Variants in AQP7 observed in about 807,000 individuals in gnomAD.
AQP7 encodes the protein aquaporin 7, also known as aquaporin-7.
A neutral mutation model predicts 26.1 loss-of-function variants in AQP7; 22 were observed. That is an observed-to-expected ratio of 0.84 (90% CI 0.60 to 1.20). The LOEUF (loss-of-function observed/expected upper bound fraction) is 1.20. Among genes scored for constraint, AQP7 ranks in the 50% most tolerant of loss-of-function variants. The pLI is 0.00. For synonymous variants in AQP7, 167 were observed against 181.7 expected (o/e 0.92, Z 0.65); for missense variants, 412 against 457.5 (o/e 0.90, Z 0.91).
intron 2 of AQP7, among the ~76,000 whole-genome samples, chr9:33,399,563 T>C (rs556628217): frequency 2.0e-5 from 3 of 151,916 alleles, no homozygotes; most frequent in South Asian, 4.2e-4. Context: ...ATCATGCCAC[T>C]GCACTCCAGC....
intron 2 of AQP7, 163 bp downstream of exon 2, chr9:33,401,074 C>G: frequency 1.3e-6 from 1 of 753,548 alleles, no homozygotes; most frequent in Non-Finnish European, 2.2e-6. Context: ...GTGGAAGATG[C>G]TCTTCTTCTG....
At chr9:33,394,206 T>A (rs1174581189) in intron 3 of AQP7, 1 of 152,458 alleles carries the variant, frequency 6.6e-6, no homozygotes, top group Non-Finnish European at 1.5e-5. Context: ...AGAGTCTCCC[T>A]GATTCTGTCT....
chr9:33,385,966 G>T, intron 6 of AQP7, 100 bp from the exon 7 acceptor site: 1 of 1,562,400 alleles, frequency 6.4e-7, no homozygotes, highest in Non-Finnish European at 8.7e-7. Flanking sequence ...GACACGTCTC[G>T]GTACAGTCTC....
chr9:33,386,192 G>T lies in AQP7; in HGVS notation c.410C>A (p.Ala137Asp), dbSNP rs1213358838. Residue 137 changes from alanine (A) to aspartate (D), a missense_variant, in exon 6 of 8, where the codon GCC becomes GAC. By Grantham distance (126) the Ala-to-Asp change is moderately radical (BLOSUM62 -2). Transcript: ENST00000297988. The stretch of plus-strand genomic sequence containing the variant: ...CTGTCCACCCGAAAAGTGGAGAATG[G>T]CCGCTGCGGAGACACAGACTGTCAT... ...AATIYSLFYTAILHFSGGQLM... is the reference protein window; with the variant it reads ...AATIYSLFYTDILHFSGGQLM... 8.7e-6 allele frequency: 14 copies of T among 1,613,886 alleles called. No homozygotes were observed. Among genetic ancestry groups the T allele is most frequent in the South Asian group, 4.4e-5 (4 of 91,074 alleles).
intron 2 of AQP7, among the ~76,000 whole-genome samples, chr9:33,397,355 G>A (rs1357638709): frequency 6.6e-6 from 1 of 151,978 alleles, no homozygotes; most frequent in African/African-American, 2.4e-5. Context: ...ACCTTCCCAG[G>A]ACTGTCTTTG....
chr9:33,393,644 A>C (rs940224829), intron 3 of AQP7, among the ~76,000 whole-genome samples: 8 of 152,258 alleles, frequency 5.3e-5, no homozygotes, highest in Non-Finnish European at 1.5e-5. Flanking sequence ...TCGCTGGGGT[A>C]AGTGGCAGGG....
intron 3 of AQP7, among the ~76,000 whole-genome samples, chr9:33,388,242 C>T (rs1825054334): frequency 6.6e-6 from 1 of 152,176 alleles, no homozygotes; most frequent in South Asian, 2.1e-4. Context: ...TCTCACAGCA[C>T]ACCTGCTCCT....
chr9:33,398,442 C>T (rs1419584380), intron 2 of AQP7, among the ~76,000 whole-genome samples: 3 of 152,122 alleles, frequency 2.0e-5, no homozygotes, highest in Non-Finnish European at 4.4e-5. Context: ...GCAGGGTGAG[C>T]ATCAGCTTCT....
intron 2 of AQP7, chr9:33,395,559 C>A: frequency 3.6e-6 from 1 of 274,084 alleles, no homozygotes; most frequent in South Asian, 4.6e-5. Flanking sequence ...AAGTGGAGCT[C>A]AGTTGTCTAT....
Position 33,385,820 on chromosome 9 carries a change from T to C in AQP7, c.572A>G (p.Asp191Gly). ...TGGCAGTGCTGGGTTGTTCTCCTGGTCCGTGATGGCGAAGAGACACAGCTG... is the reference window on the plus strand; with the variant it reads ...TGGCAGTGCTGGGTTGTTCTCCTGGCCCGTGATGGCGAAGAGACACAGCTG... Reference protein sequence around the residue: ...MLQLCLFAITDQENNPALPGT... With the variant: ...MLQLCLFAITGQENNPALPGT... The change falls in exon 7 of 8, where the codon GAC (aspartate) becomes GGC (glycine). Residue 191 changes from aspartate to glycine, a missense_variant. Asp to Gly is a moderately conservative substitution (Grantham distance 94, BLOSUM62 -1). Transcript: ENST00000297988. 1 of 1,612,616 alleles carries C rather than the reference T, an allele frequency of 6.2e-7. No individual in the cohort carries two copies. The highest frequency in any genetic ancestry group is 2.2e-5 in the East Asian group (1 of 44,876).
rs1824779032 is a variant in AQP7 at position 33,386,279 on chromosome 9, T to C, written c.407-84A>G. On this transcript the variant is annotated intron_variant, in intron 5 of 7. Transcript: ENST00000297988. ...AGAAATGAGGTTATAGGTTAGAGGG[T>C]GGGGGATCTCCAAGGCTTTTTTCTC... is the stretch of plus-strand genomic sequence containing the variant. 3.7e-6 allele frequency: 6 copies of C among 1,601,598 alleles called. No homozygotes were observed. The South Asian group carries it at 5.5e-5, about 15-fold the overall frequency.
At chr9:33,401,437 C>A (rs879222526) in intron 1 of AQP7, 150 bp from the exon 2 acceptor site, 1 of 673,602 alleles carries the variant, frequency 1.5e-6, no homozygotes, top group South Asian at 1.7e-5. Context: ...GAGGGAGGAG[C>A]GGTGCTCAGC....
At chr9:33,397,489 G>A (rs115669707) in intron 2 of AQP7, among the ~76,000 whole-genome samples, 2,570 of 152,056 alleles carry the variant, frequency 0.017, 78 homozygotes, top group African/African-American at 0.058. Flanking sequence ...GATTATCCGC[G>A]CAACTCTGCA....
At chr9:33,386,361 A>C (rs1415291713) in intron 5 of AQP7, 43 bp downstream of exon 5, 1 of 1,607,926 alleles carries the variant, frequency 6.2e-7, no homozygotes, top group Non-Finnish European at 8.5e-7. Context: ...ATTTCATAGG[A>C]GGCGGCTGAG....
chr9:33,385,782 G>A lies in AQP7; in HGVS notation c.610C>T (p.Leu204=). ...ATGACCACGAGGATGCCTATCACCA[G>A]CGCCTCTGTTCCTGGCAGTGCTGGG... The part of the protein sequence containing the change: ...NNPALPGTEA[L]VIGILVVIIG... Residue 204 remains leucine (L), a synonymous_variant, in exon 7 of 8, where the codon CTG becomes TTG. Transcript: ENST00000297988. The A allele has an allele frequency of 1.2e-6, 2 of 1,613,418 alleles. No homozygotes were observed. Among genetic ancestry groups the A allele is most frequent in the Non-Finnish European group, 8.5e-7 (1 of 1,179,982 alleles).
At position 33,401,535 on chromosome 9, in the gene AQP7, C is replaced by T. The variant is rs193239897; in HGVS notation, c.-25-248G>A. 1.2e-3 allele frequency: 637 copies of T among 530,262 alleles called. 2 individuals carry two copies. The highest frequency in any genetic ancestry group is 0.011 in the African/African-American group (576 of 52,170). The allele number at this position is 530,262 out of a possible 1,614,324, so 32.8% of individuals were successfully genotyped here. ...CCAGACCCTCCAGTGCTCCTGCTGA[C>T]CTTCCGTGTCTGCAGCCCGGCTTTG... On this transcript the variant is annotated intron_variant, in intron 1 of 7. Transcript: ENST00000297988.
At chr9:33,397,981 C>T (rs1316814513) in intron 2 of AQP7, among the ~76,000 whole-genome samples, 1 of 152,138 alleles carries the variant, frequency 6.6e-6, no homozygotes, top group Non-Finnish European at 1.5e-5. Flanking sequence ...TACGATCCAG[C>T]CCGTGGGAAG....
At chr9:33,389,753 C>T (rs1450225400) in intron 3 of AQP7, among the ~76,000 whole-genome samples, 2 of 152,038 alleles carry the variant, frequency 1.3e-5, no homozygotes, top group Non-Finnish European at 2.9e-5. Flanking sequence ...GAAGGCAGAC[C>T]AGGCCGGATG....
chr9:33,385,371 G>C, intron 7 of AQP7, 81 bp from the exon 8 acceptor site: 5 of 1,482,276 alleles, frequency 3.4e-6, no homozygotes, highest in Non-Finnish European at 4.5e-6. Flanking sequence ...AAGACAGGTT[G>C]AGCAGAGGAG....
Sources: allele counts gnomAD v4.1 joint callset (sites outside exome capture counted in the v4.1 genomes callset), GRCh38; gene constraint gnomAD v4.1.1; transcripts MANE v1.5; gene names NCBI Gene and HGNC (gene_info 2026-07-23, HGNC 2026-07-21).